The following NIM1K variants were observed in gnomAD, a reference collection of about 807,000 sequenced individuals.
NIM1K encodes serine/threonine-protein kinase NIM1.
Under a neutral mutation model 37.1 loss-of-function variants are expected in NIM1K, and 35 were observed. The ratio of observed to expected loss-of-function variants is 0.94; its 90% confidence interval spans 0.72 to 1.25. The LOEUF is 1.25. Among genes scored for constraint, NIM1K ranks in the 50% most tolerant of loss-of-function variants. NIM1K has a pLI of 0.00. For missense variants in NIM1K, 564 were observed against 548.0 expected, an observed-to-expected ratio of 1.03 and a Z score of -0.29; for synonymous variants, 234 against 206.6, an observed-to-expected ratio of 1.13 and a Z score of -1.14.
intron 1 of NIM1K, chr5:43,207,072 T>A (rs1445829587): frequency 1.7e-5 from 12 of 719,916 alleles, no homozygotes; most frequent in Middle Eastern, 4.0e-4. Flanking sequence ...CCATTACCTA[T>A]GGGCGCCTGG....
At chr5:43,197,406 A>C (rs1490467638) in intron 1 of NIM1K, among the ~76,000 whole-genome samples, 1 of 152,064 alleles carries the variant, frequency 6.6e-6, no homozygotes, top group African/African-American at 2.4e-5. Flanking sequence ...TGGCCTCCCA[A>C]AGTGCTGGGA....
rs578044374 is a variant in NIM1K at position 43,200,901 on chromosome 5, G to A, written c.-695+8490G>A. Reference sequence around the variant, plus strand: ...AGCACTTTAGGAGGCCGAGTCGGGTGGATCATGGGGTCAGGAGTTCAAGAC... The same window carrying A: ...AGCACTTTAGGAGGCCGAGTCGGGTAGATCATGGGGTCAGGAGTTCAAGAC... On this transcript the variant is annotated intron_variant, in intron 1 of 3. Transcript: ENST00000326035. Among the ~76,000 whole-genome samples the A allele has an allele frequency of 1.1e-4, 16 of 152,122 alleles. No individual in the cohort carries two copies. In the East Asian group the frequency reaches 2.9e-3, roughly 28 times the overall value.
At chr5:43,237,829 T>C (rs1273103030) in intron 1 of NIM1K, among the ~76,000 whole-genome samples, 1 of 152,110 alleles carries the variant, frequency 6.6e-6, no homozygotes, top group Non-Finnish European at 1.5e-5. Context: ...AATTCAGAGT[T>C]TTTTCTCACT....
rs760219876 is a variant in NIM1K at position 43,198,131 on chromosome 5, ATTTCTTTCTTTC to A, written c.-695+5786_-695+5797del. Among the ~76,000 whole-genome samples, 644 of 105,992 alleles carry A rather than the reference ATTTCTTTCTTTC, an allele frequency of 6.1e-3. 14 individuals are homozygous for A. Among genetic ancestry groups the A allele is most frequent in the African/African-American group, 7.4e-3 (209 of 28,114 alleles). The allele number at this position is 105,992 out of a possible 152,430, so 69.5% of individuals were successfully genotyped here. On this transcript the variant is annotated intron_variant, in intron 1 of 3. Transcript: ENST00000326035. ...TCTGCACCCGCACCTGGCCAATATG[ATTTCTTTCTTTC>A]TTTCTTTCTTTCTTTCTTTCTTTCT...
chr5:43,202,339 G>C (rs1752042942), intron 1 of NIM1K, among the ~76,000 whole-genome samples: 1 of 152,128 alleles, frequency 6.6e-6, no homozygotes, highest in African/African-American at 2.4e-5. Context: ...GTAAGCCACT[G>C]TGCCTAGCCC....
chr5:43,231,200 G>A (rs1031243579), intron 1 of NIM1K, among the ~76,000 whole-genome samples: 6 of 152,116 alleles, frequency 3.9e-5, no homozygotes, highest in Non-Finnish European at 7.4e-5. Flanking sequence ...GCTTGTTGTC[G>A]CAGCTACTCA....
chr5:43,214,089 G>C (rs1288868793), intron 1 of NIM1K, among the ~76,000 whole-genome samples: 1 of 151,396 alleles, frequency 6.6e-6, no homozygotes, highest in Non-Finnish European at 1.5e-5. Flanking sequence ...ACAGGCATGA[G>C]CCACCACACC....
chr5:43,267,831 A>G (rs758747854), intron 2 of NIM1K, among the ~76,000 whole-genome samples: 5 of 152,108 alleles, frequency 3.3e-5, no homozygotes, highest in Admixed American at 6.5e-5. Flanking sequence ...TATGATTTTG[A>G]TTTTTAAAAA....
intron 2 of NIM1K, among the ~76,000 whole-genome samples, chr5:43,248,143 A>T (rs1428196408): frequency 6.6e-6 from 1 of 152,196 alleles, no homozygotes; most frequent in Non-Finnish European, 1.5e-5. Context: ...AAGATTTTGG[A>T]TAGGCAGTGA....
At chr5:43,192,989 C>A (rs972311331) in intron 1 of NIM1K, 5 of 152,252 alleles carry the variant, frequency 3.3e-5, no homozygotes, top group African/African-American at 1.2e-4. Context: ...GAGAACAAAA[C>A]CTTCCATTGC....
At chr5:43,214,343 C>T (rs1343982543) in intron 1 of NIM1K, among the ~76,000 whole-genome samples, 1 of 152,112 alleles carries the variant, frequency 6.6e-6, no homozygotes, top group African/African-American at 2.4e-5. Flanking sequence ...CAGAAGTATA[C>T]ATGGTAAACT....
chr5:43,221,372 A>G (rs1330030445), intron 1 of NIM1K, among the ~76,000 whole-genome samples: 1 of 149,880 alleles, frequency 6.7e-6, no homozygotes, highest in African/African-American at 2.5e-5. Context: ...AATTGCTTGA[A>G]CCTGGGAGGC....
At chr5:43,260,525 A>G (rs999084700) in intron 2 of NIM1K, among the ~76,000 whole-genome samples, 1 of 152,050 alleles carries the variant, frequency 6.6e-6, no homozygotes, top group Non-Finnish European at 1.5e-5. Flanking sequence ...TATTAAGATG[A>G]TCATATGGTT....
At chr5:43,271,352 C>G (rs1196393671) in intron 2 of NIM1K, among the ~76,000 whole-genome samples, 1 of 151,814 alleles carries the variant, frequency 6.6e-6, no homozygotes, top group Admixed American at 6.6e-5. Context: ...CCAGAGAATG[C>G]CCAAGATGAT....
chr5:43,193,320 C>T (rs1751860798), intron 1 of NIM1K: 1 of 151,424 alleles, frequency 6.6e-6, no homozygotes, highest in Non-Finnish European at 1.5e-5. Context: ...TCCCTCCCTC[C>T]TTTCCTCCTC....
chr5:43,259,222 G>A (rs138257336), intron 2 of NIM1K, among the ~76,000 whole-genome samples: 134 of 152,316 alleles, frequency 8.8e-4, no homozygotes, highest in African/African-American at 2.7e-3. Flanking sequence ...AAACATGCAT[G>A]CAGGTGTTTT....
At chr5:43,236,455 A>T (rs1028332472) in intron 1 of NIM1K, among the ~76,000 whole-genome samples, 1 of 151,208 alleles carries the variant, frequency 6.6e-6, no homozygotes, top group Admixed American at 6.6e-5. Flanking sequence ...GCCTCTAAAT[A>T]AAAAAAAACT....
At chr5:43,213,654 C>G (rs1204490613) in intron 1 of NIM1K, among the ~76,000 whole-genome samples, 1 of 152,144 alleles carries the variant, frequency 6.6e-6, no homozygotes, top group Non-Finnish European at 1.5e-5. Flanking sequence ...CCACCACGCC[C>G]GGCTTATTTT....
At chr5:43,270,183 A>G (rs1753233856) in intron 2 of NIM1K, among the ~76,000 whole-genome samples, 2 of 152,192 alleles carry the variant, frequency 1.3e-5, no homozygotes, top group Non-Finnish European at 2.9e-5. Context: ...TTGGACCCCA[A>G]TCCCTTCTGG....
Sources: gnomAD v4.1 joint callset for allele counts (sites outside exome capture counted in the v4.1 genomes callset) on GRCh38, gnomAD v4.1.1 for gene constraint, MANE v1.5 for transcripts, NCBI Gene and HGNC (gene_info 2026-07-23, HGNC 2026-07-21) for gene names.